Variants in CSMD1 observed in about 807,000 individuals in gnomAD.
The protein encoded by CSMD1 is CUB and Sushi multiple domains 1.
CSMD1 carries 213 observed loss-of-function variants against 417.5 expected under a neutral mutation model. That is an observed-to-expected ratio of 0.51 (90% CI 0.46 to 0.57). The LOEUF (loss-of-function observed/expected upper bound fraction) is 0.57, where lower values mean the gene tolerates loss of function less well. CSMD1 is among the 20% of genes least tolerant of loss of function. The probability of loss-of-function intolerance (pLI) is 0.00; values close to 1 mark genes in which losing one functional copy is unlikely to be tolerated. For missense variants in CSMD1, 6,923 were observed against 4,529.7 expected (o/e 1.53, Z -15.17); for synonymous variants, 2,862 against 1,736.8 (o/e 1.65, Z -16.11).
chr8:3,635,777 C>A (rs1267305517), intron 7 of CSMD1, among the ~76,000 whole-genome samples: 3 of 140,796 alleles, frequency 2.1e-5, no homozygotes, highest in Non-Finnish European at 4.5e-5. Flanking sequence ...ACCTCTGCGC[C>A]CAGCTGCTTC....
chr8:3,311,921 A>G (rs1474921593), intron 23 of CSMD1, among the ~76,000 whole-genome samples: 2 of 152,360 alleles, frequency 1.3e-5, no homozygotes, highest in South Asian at 4.1e-4. Context: ...AACGTTATCC[A>G]GAATATGCCT....
chr8:4,462,047 T>G (rs1334287641), intron 2 of CSMD1, among the ~76,000 whole-genome samples: 1 of 151,882 alleles, frequency 6.6e-6, no homozygotes, highest in Non-Finnish European at 1.5e-5. Context: ...GCTGCTAATC[T>G]TATTTTTTAT....
At chr8:3,993,989 C>G (rs544398287) in intron 5 of CSMD1, among the ~76,000 whole-genome samples, 1 of 152,226 alleles carries the variant, frequency 6.6e-6, no homozygotes, top group Admixed American at 6.5e-5. Context: ...CAGGGGCAAA[C>G]TGCAAGGGGA....
At chr8:3,965,558 G>A (rs923373705) in intron 5 of CSMD1, among the ~76,000 whole-genome samples, 11 of 152,078 alleles carry the variant, frequency 7.2e-5, no homozygotes, top group Admixed American at 3.9e-4. Context: ...GGAAAGAGAG[G>A]TCTTTCAATT....
chr8:4,964,128 T>C (rs1809692137), intron 1 of CSMD1, among the ~76,000 whole-genome samples: 1 of 152,124 alleles, frequency 6.6e-6, no homozygotes, highest in Non-Finnish European at 1.5e-5. Context: ...TCTTCATTTT[T>C]ATCTTCACAT....
At chr8:4,794,379 T>A (rs1797859945) in intron 1 of CSMD1, among the ~76,000 whole-genome samples, 1 of 152,198 alleles carries the variant, frequency 6.6e-6, no homozygotes, top group Non-Finnish European at 1.5e-5. Context: ...TTTTCTAACA[T>A]CCCCATTAGA....
At chr8:4,337,070 C>A (rs1306399581) in intron 3 of CSMD1, among the ~76,000 whole-genome samples, 1 of 152,084 alleles carries the variant, frequency 6.6e-6, no homozygotes, top group African/African-American at 2.4e-5. Context: ...GCATCTGTTT[C>A]ACTGTCCCAG....
chr8:4,858,837 T>C (rs924388827), intron 1 of CSMD1, among the ~76,000 whole-genome samples: 2 of 147,760 alleles, frequency 1.4e-5, no homozygotes, highest in Admixed American at 6.8e-5. Context: ...ATGGCCATAC[T>C]GCCCAAGGTA....
At chr8:4,944,608 C>G (rs1034990494) in intron 1 of CSMD1, among the ~76,000 whole-genome samples, 2 of 152,010 alleles carry the variant, frequency 1.3e-5, no homozygotes, top group African/African-American at 4.8e-5. Flanking sequence ...AACATTAATT[C>G]AAAAATGTAT....
intron 1 of CSMD1, among the ~76,000 whole-genome samples, chr8:4,724,338 C>G (rs1809268468): frequency 6.6e-6 from 1 of 151,976 alleles, no homozygotes; most frequent in Non-Finnish European, 1.5e-5. Context: ...ATATGAAGAG[C>G]TAATAATGCC....
At chr8:3,926,110 C>CAAACACCATATAT (rs1554488661) in intron 5 of CSMD1, among the ~76,000 whole-genome samples, 1 of 79,272 alleles carries the variant, frequency 1.3e-5, no homozygotes, top group African/African-American at 5.4e-5. Flanking sequence ...CACACACACA[C>CAAACACCATATAT]ACACACACAC....
At chr8:3,907,018 A>G (rs1341933074) in intron 5 of CSMD1, among the ~76,000 whole-genome samples, 1 of 152,216 alleles carries the variant, frequency 6.6e-6, no homozygotes, top group Admixed American at 6.5e-5. Context: ...TTGCCCTTTC[A>G]TAGATGAGAA....
intron 1 of CSMD1, among the ~76,000 whole-genome samples, chr8:4,651,361 G>C (rs1803884407): frequency 6.6e-6 from 1 of 152,112 alleles, no homozygotes; most frequent in Non-Finnish European, 1.5e-5. Flanking sequence ...TATTCAAGCA[G>C]ATCAGCTCAA....
At chr8:4,045,148 G>T (rs900918944) in intron 3 of CSMD1, among the ~76,000 whole-genome samples, 2 of 152,100 alleles carry the variant, frequency 1.3e-5, no homozygotes, top group South Asian at 2.1e-4. Context: ...CACCTGCAGC[G>T]GCCACGCAGT....
chr8:4,574,851 C>G (rs1799064291), intron 2 of CSMD1, among the ~76,000 whole-genome samples: 6 of 152,188 alleles, frequency 3.9e-5, no homozygotes. Context: ...GATTCAAGTG[C>G]TTCTTCGTCC....
chr8:3,311,531 T>A (rs888027564), intron 23 of CSMD1, among the ~76,000 whole-genome samples: 1 of 151,940 alleles, frequency 6.6e-6, no homozygotes, highest in East Asian at 1.9e-4. Flanking sequence ...ATTATAAGCA[T>A]GAGTCTAATC....
intron 23 of CSMD1, among the ~76,000 whole-genome samples, chr8:3,316,404 T>C (rs1805763358): frequency 1.3e-5 from 2 of 152,208 alleles, no homozygotes; most frequent in Admixed American, 6.5e-5. Context: ...TATCTTCCCC[T>C]GTCTAATGAA....
chr8:2,974,716 C>T lies in CSMD1; in HGVS notation c.8567-92G>A, dbSNP rs1355393341. On this transcript the variant is annotated intron_variant, in intron 55 of 69. Coordinates refer to ENST00000635120, the MANE Select transcript of CSMD1 (RefSeq NM_033225.6). ...CCCATACAGACACCCATACTGACAT[C>T]ATGTATTAAAGAAAAACACCTAAAT... 1.0e-5 allele frequency: 9 copies of T among 866,528 alleles called. No individual in the cohort carries two copies. The East Asian group carries it at 2.7e-4, about 26-fold the overall frequency. The allele number at this position is 866,528 out of a possible 1,614,324, so 53.7% of individuals were successfully genotyped here. A position where few individuals can be genotyped will look rare whatever the true frequency, so the allele number is the denominator to read the frequency against.
chr8:3,523,682 CAGAG>C (rs200970101), intron 10 of CSMD1, among the ~76,000 whole-genome samples: 31 of 151,744 alleles, frequency 2.0e-4, no homozygotes, highest in African/African-American at 4.8e-4. Context: ...CACGTACACC[CAGAG>C]AGACATATGC....
Sources: gnomAD v4.1 joint callset for allele counts (sites outside exome capture counted in the v4.1 genomes callset) on GRCh38, gnomAD v4.1.1 for gene constraint, MANE v1.5 for transcripts, NCBI Gene and HGNC (gene_info 2026-07-23, HGNC 2026-07-21) for gene names.